SPEF2: variants seen among roughly 807,000 people sequenced by gnomAD.
SPEF2 encodes sperm flagella and cilia-associated protein 2.
SPEF2 carries 187 observed loss-of-function variants against 224.6 expected under a neutral mutation model. The ratio of observed to expected loss-of-function variants is 0.83; its 90% CI spans 0.74 to 0.94. The LOEUF is 0.94. SPEF2 is among the 40% of genes least tolerant of loss of function. SPEF2 has a pLI of 0.00. For synonymous variants in SPEF2, 715 were observed against 707.3 expected, an observed-to-expected ratio of 1.01 and a Z score of -0.17; for missense variants, 2,170 against 2,135.6, an observed-to-expected ratio of 1.02 and a Z score of -0.32.
chr5:35,653,554 A>C (rs1267144066), intron 6 of SPEF2, among the ~76,000 whole-genome samples: 1 of 152,168 alleles, frequency 6.6e-6, no homozygotes, highest in African/African-American at 2.4e-5. Flanking sequence ...GGTTATCAAT[A>C]GTCTGCCTAT....
At position 35,763,832 on chromosome 5, in the gene SPEF2, T is replaced by C. The variant is rs887239153; in HGVS notation, c.3801+130T>C. 8 of 790,066 alleles carry C rather than the reference T, an allele frequency of 1.0e-5. No homozygotes were observed. In the Admixed American group the frequency reaches 2.9e-4, roughly 29 times the overall value. The allele number at this position is 790,066 out of a possible 1,614,324, so 48.9% of individuals were successfully genotyped here. On this transcript the variant is annotated intron_variant, in intron 26 of 36. Transcript: ENST00000356031. ...GTAGAAAATTGTACCTTCGAAACAT[T>C]TTTTTTCTGAAAGAAATAGAGAAAT...
intron 12 of SPEF2, among the ~76,000 whole-genome samples, chr5:35,693,456 T>C (rs2149538939): frequency 6.6e-6 from 1 of 152,262 alleles, no homozygotes; most frequent in Non-Finnish European, 1.5e-5. Context: ...CTCTGAAAGG[T>C]TTACCTGTAT....
At chr5:35,718,307 C>T (rs10434591) in intron 20 of SPEF2, among the ~76,000 whole-genome samples, 105,738 of 151,954 alleles carry the variant, frequency 0.7, 37,810 homozygotes, top group Middle Eastern at 0.8. Context: ...TCCCATAGTA[C>T]GGAGATGCAA....
intron 18 of SPEF2, 86 bp from the exon 19 acceptor site, chr5:35,708,862 T>G (rs1740543597): frequency 8.1e-7 from 1 of 1,235,886 alleles, no homozygotes; most frequent in African/African-American, 1.5e-5. Context: ...GATTGTTTTA[T>G]ATTAATTTAG....
rs1407686786 is a variant in SPEF2 at position 35,740,017 on chromosome 5, T to A, written c.3162T>A (p.His1054Gln). 3 of 1,614,050 alleles carry A rather than the reference T, an allele frequency of 1.9e-6. No individual in the cohort carries two copies. The African/African-American group carries it at 4.0e-5, about 22-fold the overall frequency. The change falls in exon 22 of 37, where the codon CAT (histidine) becomes CAA (glutamine). Residue 1054 changes from histidine to glutamine, a missense_variant. By Grantham distance (24) the His-to-Gln change is conservative (BLOSUM62 0). Transcript: ENST00000356031. ...TCAGGCATCTGAGGGAAGACCAGCA[T>A]ACTGTGCTTGCTTACTTATATGAGA... Reference protein sequence around the residue: ...TVLRHLREDQHTVLAYLYEIR... With the variant: ...TVLRHLREDQQTVLAYLYEIR...
intron 36 of SPEF2, chr5:35,807,858 A>T: frequency 6.7e-7 from 1 of 1,502,208 alleles, no homozygotes; most frequent in Admixed American, 2.0e-5. Flanking sequence ...GGCGAGTCCC[A>T]GGCCTTTAAC....
chr5:35,678,163 C>T (rs940148108), intron 10 of SPEF2, among the ~76,000 whole-genome samples: 1 of 152,190 alleles, frequency 6.6e-6, no homozygotes, highest in Admixed American at 6.5e-5. Flanking sequence ...TGCCTGTTTT[C>T]GTACCATTAG....
intron 10 of SPEF2, among the ~76,000 whole-genome samples, chr5:35,685,811 G>T (rs1158970611): frequency 4.6e-5 from 7 of 151,016 alleles, no homozygotes; most frequent in African/African-American, 1.7e-4. Context: ...TCCAGAAAAT[G>T]GTTAGGAAAT....
intron 10 of SPEF2, among the ~76,000 whole-genome samples, chr5:35,676,654 G>T (rs115240177): frequency 0.012 from 1,874 of 152,106 alleles, 37 homozygotes; most frequent in African/African-American, 0.042. Flanking sequence ...CCTTGAACCC[G>T]GGAGTCAGAG....
At chr5:35,629,087 G>T (rs1487100967) in intron 2 of SPEF2, among the ~76,000 whole-genome samples, 1 of 148,586 alleles carries the variant, frequency 6.7e-6, no homozygotes, top group Admixed American at 6.7e-5. Flanking sequence ...GTTGCAGCAA[G>T]ACCTCATCTC....
At chr5:35,638,231 T>C (rs1351556085) in intron 2 of SPEF2, among the ~76,000 whole-genome samples, 1 of 152,176 alleles carries the variant, frequency 6.6e-6, no homozygotes. Flanking sequence ...AGACCTTGTT[T>C]AGACTTCCCA....
Position 35,646,720 on chromosome 5 carries a change from T to C in SPEF2, c.639T>C (p.Ala213=). ...AAATAATGGCCAAAATCCAAGCAGC[T>C]ATTATACAGATTCCTAAACCTGCAT... The part of the protein sequence containing the change: ...QNEIMAKIQA[A]IIQIPKPASN... The change falls in exon 5 of 37, where the codon GCT becomes GCC. Residue 213 remains alanine (A), a synonymous_variant. Coordinates refer to ENST00000356031, the MANE Select transcript of SPEF2 (RefSeq NM_024867.4). The C allele has an allele frequency of 1.2e-6, 2 of 1,613,944 alleles. No homozygotes were observed. Among genetic ancestry groups the C allele is most frequent in the Non-Finnish European group, 1.7e-6 (2 of 1,179,918 alleles).
intron 10 of SPEF2, chr5:35,675,868 A>G (rs1050902007): frequency 2.2e-6 from 1 of 454,658 alleles, no homozygotes; most frequent in African/African-American, 2.0e-5. Flanking sequence ...TAATTGTTGT[A>G]GGCCAAGGAT....
chr5:35,777,590 T>G (rs1417908231), intron 29 of SPEF2, among the ~76,000 whole-genome samples: 1 of 150,814 alleles, frequency 6.6e-6, no homozygotes, highest in East Asian at 1.9e-4. Flanking sequence ...TTATATTGTA[T>G]ATGTCTGCCC....
intron 20 of SPEF2, among the ~76,000 whole-genome samples, chr5:35,723,247 T>G (rs910765613): frequency 3.3e-5 from 5 of 151,824 alleles, no homozygotes; most frequent in African/African-American, 1.2e-4. Context: ...AAGACAAAAG[T>G]GAAAGGAAAT....
At chr5:35,664,248 T>C (rs950081820) in intron 8 of SPEF2, among the ~76,000 whole-genome samples, 1 of 131,092 alleles carries the variant, frequency 7.6e-6, no homozygotes, top group African/African-American at 3.0e-5. Context: ...ATAAGGGCAG[T>C]ACCACGTTTG....
chr5:35,759,252 T>A (rs770413365), intron 24 of SPEF2, among the ~76,000 whole-genome samples: 5 of 152,146 alleles, frequency 3.3e-5, no homozygotes, highest in Non-Finnish European at 7.4e-5. Flanking sequence ...GAATTGCTAA[T>A]GTTAAAATAG....
At chr5:35,665,431 GAGGAACAGA>G (rs1750334529) in intron 8 of SPEF2, among the ~76,000 whole-genome samples, 2 of 147,508 alleles carry the variant, frequency 1.4e-5, no homozygotes, top group African/African-American at 4.9e-5. Flanking sequence ...AAGGGAGGGA[GAGGAACAGA>G]GGGAGGGAGG....
chr5:35,687,977 A>T (rs1753895401), intron 10 of SPEF2, among the ~76,000 whole-genome samples: 1 of 152,204 alleles, frequency 6.6e-6, no homozygotes, highest in South Asian at 2.1e-4. Flanking sequence ...CAGGCAAAAA[A>T]ATGGACTCTT....
Sources: allele counts gnomAD v4.1 joint callset (sites outside exome capture counted in the v4.1 genomes callset), GRCh38; gene constraint gnomAD v4.1.1; transcripts MANE v1.5; gene names NCBI Gene and HGNC (gene_info 2026-07-23, HGNC 2026-07-21).